The following SCN11A variants were observed in gnomAD, a reference collection of about 807,000 sequenced individuals.
SCN11A encodes sodium channel protein type 11 subunit alpha.
In SCN11A, 122 loss-of-function variants were observed where a neutral mutation model predicts 162.2. The ratio of observed to expected loss-of-function variants is 0.75; its 90% CI spans 0.65 to 0.87. SCN11A has a LOEUF of 0.87. Among genes scored for constraint, SCN11A ranks in the 40% least tolerant of loss-of-function variants. The pLI, the probability that SCN11A is intolerant of heterozygous loss-of-function variation, is 0.00. For missense variants in SCN11A, 2,015 were observed against 2,181.6 expected (o/e 0.92, Z 1.52); for synonymous variants, 758 against 751.5 (o/e 1.01, Z -0.14).
chr3:38,925,282 T>C (rs1013293881), intron 9 of SCN11A, 133 bp downstream of exon 9: 12 of 654,094 alleles, frequency 1.8e-5, no homozygotes, highest in African/African-American at 5.5e-5. Context: ...TAATTATCAG[T>C]TGGACCATCA....
rs776813324 is a variant in SCN11A at position 38,866,960 on chromosome 3, T to G, written c.3951+361A>C. Among the ~76,000 whole-genome samples, 42 of 152,278 alleles carry G rather than the reference T, an allele frequency of 2.8e-4. 1 individual carries two copies. Among genetic ancestry groups the G allele is most frequent in the South Asian group, 2.1e-4 (1 of 4,832 alleles). On this transcript the variant is annotated intron_variant, in intron 27 of 29. Coordinates refer to ENST00000302328, the MANE Select transcript of SCN11A (RefSeq NM_001349253.2). ...ATTAGTTTTATAGTGGATAATAAAG[T>G]GCATTTGAAAGGTTATTAAAATATG... is the stretch of plus-strand genomic sequence containing the variant.
chr3:38,943,683 A>G (rs1312513556), intron 7 of SCN11A, among the ~76,000 whole-genome samples: 2 of 152,236 alleles, frequency 1.3e-5, no homozygotes, highest in Non-Finnish European at 2.9e-5. Context: ...AGATGGAAAC[A>G]CACAATTCAG....
intron 2 of SCN11A, among the ~76,000 whole-genome samples, chr3:38,968,545 CAGTGT>C (rs972112770): frequency 3.3e-5 from 5 of 152,218 alleles, no homozygotes; most frequent in African/African-American, 9.6e-5. Flanking sequence ...ATTTGGGAAC[CAGTGT>C]AGTGTAGAGG....
intron 1 of SCN11A, among the ~76,000 whole-genome samples, chr3:39,050,506 T>C (rs2032312345): frequency 6.6e-6 from 1 of 152,218 alleles, no homozygotes; most frequent in Non-Finnish European, 1.5e-5. Context: ...GATGCAGTAA[T>C]TTACCTATAA....
At chr3:38,938,550 A>T (rs1007272257) in intron 7 of SCN11A, among the ~76,000 whole-genome samples, 412 of 14,448 alleles carry the variant, frequency 0.029, 2 homozygotes, top group Middle Eastern at 0.062. Context: ...ATATATATAT[A>T]TTTTTTTTTT....
At chr3:38,914,796 G>A (rs1393021393) in intron 11 of SCN11A, among the ~76,000 whole-genome samples, 2 of 152,128 alleles carry the variant, frequency 1.3e-5, no homozygotes, top group Admixed American at 6.6e-5. Context: ...ATTTGCATAT[G>A]TTGAACCAAC....
intron 2 of SCN11A, among the ~76,000 whole-genome samples, chr3:38,972,742 T>G (rs1371159323): frequency 6.6e-6 from 1 of 152,038 alleles, no homozygotes; most frequent in East Asian, 1.9e-4. Context: ...CTTCACTTAC[T>G]TGGGAAGACA....
At chr3:38,879,668 A>T (rs1238990427) in intron 23 of SCN11A, among the ~76,000 whole-genome samples, 1 of 152,222 alleles carries the variant, frequency 6.6e-6, no homozygotes, top group Non-Finnish European at 1.5e-5. Flanking sequence ...TACATATTAT[A>T]CATAAACAGT....
intron 1 of SCN11A, among the ~76,000 whole-genome samples, chr3:39,033,291 T>C (rs938185998): frequency 7.0e-6 from 1 of 141,876 alleles, no homozygotes; most frequent in Non-Finnish European, 1.5e-5. Flanking sequence ...CTAAAACTCT[T>C]ATTTACTTTT....
At chr3:38,947,626 C>T (rs1444477635) in intron 5 of SCN11A, among the ~76,000 whole-genome samples, 2 of 152,234 alleles carry the variant, frequency 1.3e-5, no homozygotes, top group South Asian at 4.1e-4. Context: ...CCCGCCCCCC[C>T]ACAAAGTGCC....
chr3:39,024,981 GC>G (rs776042981), intron 2 of SCN11A, among the ~76,000 whole-genome samples: 1 of 152,144 alleles, frequency 6.6e-6, no homozygotes, highest in Non-Finnish European at 1.5e-5. Context: ...CAGTTAATCT[GC>G]CTTTTCCAAG....
intron 21 of SCN11A, among the ~76,000 whole-genome samples, 194 bp downstream of exon 21, chr3:38,885,094 T>A (rs545811241): frequency 6.3e-4 from 96 of 152,322 alleles, no homozygotes; most frequent in African/African-American, 2.3e-3. Flanking sequence ...GGAGCCCAAT[T>A]AAAGCAAGAA....
At chr3:38,853,471 T>C (rs1422534130) in intron 28 of SCN11A, among the ~76,000 whole-genome samples, 2 of 152,184 alleles carry the variant, frequency 1.3e-5, no homozygotes, top group African/African-American at 4.8e-5. Flanking sequence ...AACCCTGTGG[T>C]CAAAAATCTC....
intron 28 of SCN11A, among the ~76,000 whole-genome samples, chr3:38,856,869 A>C (rs2064878370): frequency 6.6e-6 from 1 of 152,220 alleles, no homozygotes; most frequent in Admixed American, 6.5e-5. Context: ...AAGCCAGTGC[A>C]CAATGACTCT....
At chr3:39,020,573 G>C (rs957392812) in intron 2 of SCN11A, among the ~76,000 whole-genome samples, 1 of 152,206 alleles carries the variant, frequency 6.6e-6, no homozygotes, top group African/African-American at 2.4e-5. Context: ...TCCCTTGAGA[G>C]AGAAAATCGA....
chr3:38,967,957 T>C (rs139518566), intron 2 of SCN11A, among the ~76,000 whole-genome samples: 3 of 152,334 alleles, frequency 2.0e-5, no homozygotes, highest in African/African-American at 7.2e-5. Context: ...TAATATACAG[T>C]ATTGAGGATT....
intron 19 of SCN11A, among the ~76,000 whole-genome samples, chr3:38,889,473 C>T (rs2065457962): frequency 6.6e-6 from 1 of 151,498 alleles, no homozygotes; most frequent in South Asian, 2.1e-4. Flanking sequence ...AGTGCAAGGC[C>T]TGTCACATGG....
At position 38,894,821 on chromosome 3, in the gene SCN11A, A is replaced by T; in HGVS notation, c.2547T>A (p.Thr849=). ...ACCACTTGTGACAGAAATGCTCAAG[A>T]GTGTGTCTCACAAAACAAAAAGCCC... ...FRRAFCFVRH[T]LEHFCHKWCR... The change falls in exon 19 of 30, where the codon ACT becomes ACA. Residue 849 remains threonine, a synonymous_variant. Transcript: ENST00000302328. The T allele has an allele frequency of 6.2e-7, 1 of 1,614,188 alleles. No homozygotes were observed. Among genetic ancestry groups the T allele is most frequent in the Non-Finnish European group, 8.5e-7 (1 of 1,180,032 alleles).
intron 2 of SCN11A, among the ~76,000 whole-genome samples, chr3:38,984,278 A>G (rs55885895): frequency 0.076 from 11,556 of 152,268 alleles, 592 homozygotes; most frequent in African/African-American, 0.14. Context: ...AGCTGCTAGT[A>G]TCTGCCTCCT....
Sources: allele counts gnomAD v4.1 joint callset (sites outside exome capture counted in the v4.1 genomes callset), GRCh38; gene constraint gnomAD v4.1.1; transcripts MANE v1.5; gene names NCBI Gene and HGNC (gene_info 2026-07-23, HGNC 2026-07-21).